Variants in CDCA7L observed in about 807,000 individuals in gnomAD.
CDCA7L encodes the protein cell division cycle-associated 7-like protein.
A neutral mutation model predicts 57.4 loss-of-function variants in CDCA7L; 44 were observed. That is an observed-to-expected ratio of 0.77 (90% CI 0.60 to 0.98). CDCA7L has a LOEUF of 0.98. CDCA7L is among the 50% of genes least tolerant of loss of function. The probability of loss-of-function intolerance (pLI) is 0.00; values close to 1 mark genes in which losing one functional copy is unlikely to be tolerated. For synonymous variants in CDCA7L, 236 were observed against 202.8 expected, an observed-to-expected ratio of 1.16 and a Z score of -1.39; for missense variants, 644 against 580.6, an observed-to-expected ratio of 1.11 and a Z score of -1.12.
At chr7:21,902,653 G>C (rs1784962089) in intron 9 of CDCA7L, 1 of 505,260 alleles carries the variant, frequency 2.0e-6, no homozygotes, top group Non-Finnish European at 3.5e-6. Context: ...CTAGGATTAT[G>C]GCTGCCTCTT....
intron 1 of CDCA7L, among the ~76,000 whole-genome samples, chr7:21,923,201 A>C: frequency 6.6e-6 from 1 of 152,168 alleles, no homozygotes; most frequent in East Asian, 1.9e-4. Context: ...CAAGAAAGAC[A>C]ATTTAAGCCA....
In CDCA7L at chr7:21,901,024, C is replaced by T. The variant is rs1261703349; in HGVS notation, c.*1298G>A. ...TGCCATAGGCGCCCGCTGGGACACCCAAGCAGGAACCATTGTTGAAGCCCG... is the reference window on the plus strand; with the variant it reads ...TGCCATAGGCGCCCGCTGGGACACCTAAGCAGGAACCATTGTTGAAGCCCG... On this transcript the variant is annotated 3_prime_UTR_variant, in exon 10 of 10. Transcript: ENST00000406877. 6.2e-7 allele frequency: 1 copy of T among 1,606,284 alleles called. No homozygotes were observed. Among genetic ancestry groups the T allele is most frequent in the Non-Finnish European group, 8.5e-7 (1 of 1,176,092 alleles).
chr7:21,916,751 T>C lies in CDCA7L; in HGVS notation c.165+3A>G. Reference sequence around the variant, plus strand: ...ACATCTGCTTGGAAGGAATCATCCATACCTGTTTCCCTGACTCTAGTGAGT... The same window carrying C: ...ACATCTGCTTGGAAGGAATCATCCACACCTGTTTCCCTGACTCTAGTGAGT... On this transcript the variant is annotated splice_donor_region_variant and intron_variant, in intron 2 of 9. Transcript: ENST00000406877. 1 of 1,613,834 alleles carries C rather than the reference T, an allele frequency of 6.2e-7. No individual in the cohort carries two copies. Among genetic ancestry groups the C allele is most frequent in the Admixed American group, 1.7e-5 (1 of 60,020 alleles).
intron 1 of CDCA7L, among the ~76,000 whole-genome samples, chr7:21,930,099 G>T (rs7787698): frequency 6.8e-6 from 1 of 147,966 alleles, no homozygotes; most frequent in Admixed American, 6.8e-5. Context: ...GCAAAAGAAC[G>T]GAAATCATAA....
At chr7:21,945,679 A>C (rs1317403153) in intron 1 of CDCA7L, 102 bp downstream of exon 1, 3 of 1,452,696 alleles carry the variant, frequency 2.1e-6, no homozygotes, top group Non-Finnish European at 2.8e-6. Flanking sequence ...CCAGTGCCGC[A>C]GCCAAGGGCC....
intron 1 of CDCA7L, among the ~76,000 whole-genome samples, chr7:21,930,761 G>C (rs1388003347): frequency 6.9e-6 from 1 of 144,674 alleles, no homozygotes; most frequent in Non-Finnish European, 1.5e-5. Flanking sequence ...TCAAAAGCTA[G>C]CAGAAGATAA....
At chr7:21,914,468 G>A (rs948141753) in intron 2 of CDCA7L, among the ~76,000 whole-genome samples, 3 of 152,208 alleles carry the variant, frequency 2.0e-5, no homozygotes. Flanking sequence ...AGAAAATCCA[G>A]TAAGACTTCA....
intron 2 of CDCA7L, among the ~76,000 whole-genome samples, chr7:21,912,897 C>T (rs535799346): frequency 1.3e-5 from 2 of 152,304 alleles, no homozygotes; most frequent in African/African-American, 4.8e-5. Flanking sequence ...AAACCCAACT[C>T]TCTTAATAGT....
Position 21,904,108 on chromosome 7 carries a change from A to T in CDCA7L, c.1197+2T>A. 2 of 1,594,184 alleles carry T rather than the reference A, an allele frequency of 1.3e-6. No individual in the cohort carries two copies. The highest frequency in any genetic ancestry group is 1.7e-6 in the Non-Finnish European group (2 of 1,171,360). Reference sequence around the variant, plus strand: ...TACAACAAATGCAAACACTGTTCCTACCGGGTCCAGCAATGCCGATCTGAC... The same window carrying T: ...TACAACAAATGCAAACACTGTTCCTTCCGGGTCCAGCAATGCCGATCTGAC... On this transcript the variant is annotated splice_donor_variant, in intron 8 of 9. Transcript: ENST00000406877. LOFTEE classifies it high-confidence loss of function.
chr7:21,929,132 A>G (rs1449050690), intron 1 of CDCA7L, among the ~76,000 whole-genome samples: 1 of 152,206 alleles, frequency 6.6e-6, no homozygotes, highest in Non-Finnish European at 1.5e-5. Context: ...ACAAGCCAGA[A>G]GAGGGTGGGG....
rs1784982585 is a variant in CDCA7L at position 21,902,949 on chromosome 7, G to GTTTTGTAAGCTGCTAGAGACTTAC, written c.1334+5_1334+28dup. ...GTGCTCAGCCTCAAGATTTCAAGCT[G>GTTTTGTAAGCTGCTAGAGACTTAC]TTTTGTAAGCTGCTAGAGACTTACT... On this transcript the variant is annotated intron_variant, in intron 9 of 9. Transcript: ENST00000406877. 5 of 1,605,766 alleles carry GTTTTGTAAGCTGCTAGAGACTTAC rather than the reference G, an allele frequency of 3.1e-6. No homozygotes were observed. The East Asian group carries it at 1.1e-4, about 36-fold the overall frequency.
chr7:21,935,757 C>T (rs1015377548), intron 1 of CDCA7L, among the ~76,000 whole-genome samples: 1 of 152,128 alleles, frequency 6.6e-6, no homozygotes, highest in African/African-American at 2.4e-5. Flanking sequence ...GCCTGTAATC[C>T]CAACACTTTG....
At chr7:21,902,648 A>G (rs1361063682) in intron 9 of CDCA7L, 3 of 511,792 alleles carry the variant, frequency 5.9e-6, no homozygotes, top group Non-Finnish European at 1.0e-5. Context: ...CTGCACTAGG[A>G]TTATGGCTGC....
chr7:21,915,502 A>C (rs763273934), intron 2 of CDCA7L, among the ~76,000 whole-genome samples: 3 of 152,156 alleles, frequency 2.0e-5, no homozygotes, highest in Admixed American at 6.5e-5. Context: ...AACAAGTGAC[A>C]GTAACAAAAA....
chr7:21,943,958 G>A (rs912689068), intron 1 of CDCA7L, among the ~76,000 whole-genome samples: 1 of 152,204 alleles, frequency 6.6e-6, no homozygotes, highest in Admixed American at 6.5e-5. Context: ...TAGTGGAAGT[G>A]CAAAGAACTC....
intron 1 of CDCA7L, among the ~76,000 whole-genome samples, chr7:21,930,983 C>A (rs1043924265): frequency 2.6e-5 from 4 of 151,984 alleles, no homozygotes; most frequent in Admixed American, 2.0e-4. Flanking sequence ...AAACTACCAT[C>A]AGAGAATACT....
intron 1 of CDCA7L, among the ~76,000 whole-genome samples, chr7:21,928,824 G>A (rs191135053): frequency 2.6e-5 from 4 of 152,190 alleles, no homozygotes; most frequent in South Asian, 4.2e-4. Context: ...CCAAATCTAC[G>A]TTTGACTGGT....
chr7:21,904,046 C>T, intron 8 of CDCA7L, 64 bp downstream of exon 8: 1 of 1,456,550 alleles, frequency 6.9e-7, no homozygotes, highest in South Asian at 1.5e-5. Context: ...ACCCAGGAGG[C>T]CCATCTTTAT....
chr7:21,904,936 T>G (rs1218536287), intron 7 of CDCA7L, among the ~76,000 whole-genome samples: 4 of 152,302 alleles, frequency 2.6e-5, no homozygotes, highest in East Asian at 1.9e-4. Flanking sequence ...CAATGAGCCT[T>G]GGGTGGCATC....
Sources: allele counts gnomAD v4.1 joint callset (sites outside exome capture counted in the v4.1 genomes callset), GRCh38; gene constraint gnomAD v4.1.1; transcripts MANE v1.5; gene names NCBI Gene and HGNC (gene_info 2026-07-23, HGNC 2026-07-21).